The following TNFRSF21 variants were observed in gnomAD, a reference collection of about 807,000 sequenced individuals.
The protein encoded by TNFRSF21 is tumor necrosis factor receptor superfamily member 21.
In TNFRSF21, 19 loss-of-function variants were observed where a neutral mutation model predicts 45.6. That is an observed-to-expected ratio of 0.42 (90% CI 0.29 to 0.61). The LOEUF (loss-of-function observed/expected upper bound fraction) is 0.61. TNFRSF21 is among the 20% of genes least tolerant of loss of function. The probability of loss-of-function intolerance (pLI) is 0.23; values close to 1 mark genes in which losing one functional copy is unlikely to be tolerated. For synonymous variants in TNFRSF21, 314 were observed against 335.5 expected (o/e 0.94, Z 0.70); for missense variants, 737 against 851.5 (o/e 0.87, Z 1.67).
chr6:47,285,405 G>T (rs540726160), intron 2 of TNFRSF21, among the ~76,000 whole-genome samples: 12 of 152,260 alleles, frequency 7.9e-5, no homozygotes, highest in Admixed American at 7.2e-4. Context: ...CCTTCAATCT[G>T]ATACAAATTT....
At chr6:47,273,935 T>G (rs576556211) in intron 3 of TNFRSF21, among the ~76,000 whole-genome samples, 1 of 152,278 alleles carries the variant, frequency 6.6e-6, no homozygotes, top group South Asian at 2.1e-4. Flanking sequence ...TTACAAGGGA[T>G]GTGAGGGACC....
chr6:47,280,620 C>T (rs1450577611), intron 3 of TNFRSF21, among the ~76,000 whole-genome samples: 2 of 152,140 alleles, frequency 1.3e-5, no homozygotes, highest in African/African-American at 4.8e-5. Context: ...CTTTCACAGA[C>T]GAGTAGGATC....
chr6:47,296,604 T>C (rs971261931), intron 1 of TNFRSF21, among the ~76,000 whole-genome samples: 7 of 152,150 alleles, frequency 4.6e-5, no homozygotes, highest in Admixed American at 3.3e-4. Context: ...GGGCTGAACG[T>C]TGAGCTGATC....
intron 4 of TNFRSF21, among the ~76,000 whole-genome samples, chr6:47,252,215 T>C (rs1764910050): frequency 6.6e-6 from 1 of 152,224 alleles, no homozygotes; most frequent in Admixed American, 6.5e-5. Context: ...AGAATGATAG[T>C]AAACTGAATT....
In TNFRSF21 at chr6:47,261,742, T is replaced by C. The variant is rs539183681; in HGVS notation, c.1244-8221A>G. Among the ~76,000 whole-genome samples the C allele has an allele frequency of 3.9e-5, 6 of 152,352 alleles. No individual in the cohort carries two copies. In the South Asian group the frequency reaches 1.0e-3, roughly 26 times the overall value. On this transcript the variant is annotated intron_variant, in intron 3 of 5. Transcript: ENST00000296861. ...TAAGCAGGAAAGTTCTCCCAGATTC[T>C]CCCACTGCAGCAAAATCCTTCTGCT... is the stretch of plus-strand genomic sequence containing the variant.
intron 5 of TNFRSF21, 139 bp downstream of exon 5, chr6:47,234,531 T>G: frequency 1.4e-6 from 1 of 728,684 alleles, no homozygotes; most frequent in Non-Finnish European, 2.3e-6. Flanking sequence ...ATCTTGAAGT[T>G]TTGGACTGGT....
At chr6:47,300,167 G>C (rs1301652105) in intron 1 of TNFRSF21, among the ~76,000 whole-genome samples, 1 of 152,172 alleles carries the variant, frequency 6.6e-6, no homozygotes, top group Non-Finnish European at 1.5e-5. Context: ...GAACTGACGT[G>C]AATCACAGGC....
At chr6:47,285,039 A>G (rs942669257) in intron 2 of TNFRSF21, among the ~76,000 whole-genome samples, 1 of 152,182 alleles carries the variant, frequency 6.6e-6, no homozygotes, top group African/African-American at 2.4e-5. Flanking sequence ...GAAGTATGAG[A>G]GATGGGAATT....
intron 4 of TNFRSF21, among the ~76,000 whole-genome samples, chr6:47,239,682 G>T (rs1259734187): frequency 6.6e-6 from 1 of 152,144 alleles, no homozygotes; most frequent in Non-Finnish European, 1.5e-5. Context: ...CAAGAAAAGA[G>T]AGAAGACATA....
At chr6:47,282,456 C>A (rs528363903) in intron 3 of TNFRSF21, among the ~76,000 whole-genome samples, 28 of 151,362 alleles carry the variant, frequency 1.8e-4, no homozygotes, top group African/African-American at 6.1e-4. Flanking sequence ...AAAGCCAAAG[C>A]TGTCCTGGGT....
rs540851636 is a variant in TNFRSF21, at chr6:47,284,547, C to T, written c.749-115G>A. 6.9e-5 allele frequency: 83 copies of T among 1,209,192 alleles called. No homozygotes were observed. In the East Asian group the frequency reaches 2.1e-3, roughly 31 times the overall value. The allele number at this position is 1,209,192 out of a possible 1,614,324, so 74.9% of individuals were successfully genotyped here. A position where few individuals can be genotyped will look rare whatever the true frequency, so the allele number is the denominator to read the frequency against. On this transcript the variant is annotated intron_variant, in intron 2 of 5. Transcript: ENST00000296861. ...CCAGATAATCAAAGATAAGATGACC[C>T]TTGGGGCTTAAGAATAAATTGTGTT...
In TNFRSF21 at chr6:47,286,461, A is replaced by G. The variant is rs1250371274; in HGVS notation, c.231T>C (p.Ser77=). The G allele has an allele frequency of 6.2e-7, 1 of 1,614,124 alleles. No individual in the cohort carries two copies. The highest frequency in any genetic ancestry group is 8.5e-7 in the Non-Finnish European group (1 of 1,180,046). ...GCAGGCTTGTGTTGGTACAATGCTCAGAGACATAGGTTCCTGCTGGACACT... is the reference window on the plus strand; with the variant it reads ...GCAGGCTTGTGTTGGTACAATGCTCGGAGACATAGGTTCCTGCTGGACACT... ...CDKCPAGTYV[S]EHCTNTSLRV... Residue 77 remains serine, a synonymous_variant, in exon 2 of 6, where the codon TCT becomes TCC. Transcript: ENST00000296861.
intron 4 of TNFRSF21, among the ~76,000 whole-genome samples, chr6:47,252,301 C>T (rs1764911045): frequency 6.6e-6 from 1 of 152,292 alleles, no homozygotes; most frequent in East Asian, 1.9e-4. Flanking sequence ...CAGACCGGCC[C>T]TTTAAATCTT....
chr6:47,309,332 C>G, intron 1 of TNFRSF21, 84 bp downstream of exon 1: 1 of 1,462,318 alleles, frequency 6.8e-7, no homozygotes, highest in Non-Finnish European at 9.0e-7. Flanking sequence ...CCCTAAGCCC[C>G]GGCCCGGTGA....
chr6:47,247,702 T>C (rs1764842966), intron 4 of TNFRSF21, among the ~76,000 whole-genome samples: 1 of 152,172 alleles, frequency 6.6e-6, no homozygotes, highest in Admixed American at 6.5e-5. Flanking sequence ...CTGTTGGGAT[T>C]CTCTGAGTTG....
chr6:47,268,093 A>G (rs1348440225), intron 3 of TNFRSF21, among the ~76,000 whole-genome samples: 2 of 152,174 alleles, frequency 1.3e-5, no homozygotes, highest in Non-Finnish European at 2.9e-5. Flanking sequence ...GATGCAGTGT[A>G]TGCACTAGTT....
rs373592648 is a variant in TNFRSF21 at position 47,287,369 on chromosome 6, T to C, written c.97-774A>G. On this transcript the variant is annotated intron_variant, in intron 1 of 5. Transcript: ENST00000296861. ...AATTGTATACTAGTCAAAATCCAAA[T>C]GCAACAGGAAAATAACTTGCTGACT... 1.5e-4 allele frequency among the ~76,000 whole-genome samples: 19 copies of C among 124,784 alleles called. 1 individual carries two copies. In the South Asian group the frequency reaches 3.7e-3, roughly 24 times the overall value. 81.9% of individuals were successfully genotyped at this position (124,784 alleles called of 152,430 possible).
At chr6:47,242,133 A>AT (rs1369571446) in intron 4 of TNFRSF21, among the ~76,000 whole-genome samples, 1 of 152,094 alleles carries the variant, frequency 6.6e-6, no homozygotes, top group East Asian at 1.9e-4. Context: ...CTGGGAGCCA[A>AT]TGCAGAGCCT....
chr6:47,301,588 C>T (rs546181876), intron 1 of TNFRSF21, among the ~76,000 whole-genome samples: 5 of 152,192 alleles, frequency 3.3e-5, no homozygotes, highest in South Asian at 4.1e-4. Context: ...CTGTCATGAA[C>T]GGCTTGGCAT....
Sources: allele counts gnomAD v4.1 joint callset (sites outside exome capture counted in the v4.1 genomes callset), GRCh38; gene constraint gnomAD v4.1.1; transcripts MANE v1.5; gene names NCBI Gene and HGNC (gene_info 2026-07-23, HGNC 2026-07-21).